The following FAM83B variants were observed in gnomAD, a reference collection of about 807,000 sequenced individuals.
FAM83B encodes scaffolding CK1 anchoring protein B.
In FAM83B, 26 loss-of-function variants were observed where a neutral mutation model predicts 38.8. The ratio of observed to expected loss-of-function variants is 0.67; its 90% CI spans 0.49 to 0.93. FAM83B has a LOEUF of 0.93. Among genes scored for constraint, FAM83B ranks in the 40% least tolerant of loss-of-function variants. The probability of loss-of-function intolerance (pLI) is 0.00; values close to 1 mark genes in which losing one functional copy is unlikely to be tolerated. For synonymous variants in FAM83B, 419 were observed against 423.1 expected (o/e 0.99, Z 0.12); for missense variants, 1,237 against 1,197.3 (o/e 1.03, Z -0.49).
intron 2 of FAM83B, among the ~76,000 whole-genome samples, chr6:54,907,494 TCAC>T (rs1208398457): frequency 2.0e-5 from 3 of 152,152 alleles, no homozygotes; most frequent in Non-Finnish European, 2.9e-5. Flanking sequence ...CTCTTTGCTC[TCAC>T]TTGATCTTTA....
intron 3 of FAM83B, among the ~76,000 whole-genome samples, chr6:54,926,769 C>G (rs927002218): frequency 6.6e-6 from 1 of 152,018 alleles, no homozygotes; most frequent in Admixed American, 6.6e-5. Context: ...GTCTTGCTCT[C>G]CCTCCCAGAG....
chr6:54,926,786 G>A (rs892835855), intron 3 of FAM83B, among the ~76,000 whole-genome samples: 13 of 152,136 alleles, frequency 8.5e-5, no homozygotes, highest in African/African-American at 3.1e-4. Context: ...AGAGTGGAGT[G>A]CACTGGTGCA....
At position 54,941,220 on chromosome 6, in the gene FAM83B, A is replaced by T. The variant is rs759651575; in HGVS notation, c.2249A>T (p.Glu750Val). ...IAALLDVNKEESNKELASKKE... is the reference protein window; with the variant it reads ...IAALLDVNKEVSNKELASKKE... The stretch of plus-strand genomic sequence containing the variant: ...GCTTTACTTGATGTGAATAAAGAGG[A>T]ATCTAACAAAGAACTTGCTTCAAAG... Residue 750 changes from glutamate (E) to valine (V), a missense_variant, in exon 5 of 5, where the codon GAA becomes GTA. Glu to Val is a moderately radical substitution (Grantham distance 121). Coordinates refer to ENST00000306858, the MANE Select transcript of FAM83B (RefSeq NM_001010872.3). The T allele has an allele frequency of 7.4e-6, 12 of 1,613,800 alleles. No homozygotes were observed. Among genetic ancestry groups the T allele is most frequent in the Non-Finnish European group, 9.3e-6 (11 of 1,179,926 alleles).
intron 2 of FAM83B, among the ~76,000 whole-genome samples, chr6:54,903,377 T>C (rs2127582685): frequency 6.6e-6 from 1 of 152,296 alleles, no homozygotes; most frequent in Middle Eastern, 3.4e-3. Flanking sequence ...GTAAAGAACA[T>C]TGCCAGATTG....
intron 2 of FAM83B, among the ~76,000 whole-genome samples, chr6:54,920,471 T>G (rs1183032494): frequency 1.3e-5 from 2 of 151,908 alleles, no homozygotes; most frequent in African/African-American, 4.8e-5. Flanking sequence ...GTTGTGTGAC[T>G]AAAGAACATT....
At chr6:54,882,713 C>T (rs934283737) in intron 2 of FAM83B, among the ~76,000 whole-genome samples, 1 of 152,160 alleles carries the variant, frequency 6.6e-6, no homozygotes, top group Non-Finnish European at 1.5e-5. Flanking sequence ...CCCTCAATTA[C>T]TTCCACTCCA....
At chr6:54,857,214 AAC>A (rs940963070) in intron 1 of FAM83B, among the ~76,000 whole-genome samples, 1 of 152,176 alleles carries the variant, frequency 6.6e-6, no homozygotes, top group Admixed American at 6.5e-5. Flanking sequence ...TTGGTATTGG[AAC>A]ACACATTTAT....
chr6:54,850,566 T>A (rs777538435), intron 1 of FAM83B, among the ~76,000 whole-genome samples: 2 of 152,062 alleles, frequency 1.3e-5, no homozygotes, highest in Non-Finnish European at 2.9e-5. Context: ...CACTAAAGAG[T>A]GTCATCTTCC....
At chr6:54,877,389 T>C (rs1772024830) in intron 2 of FAM83B, among the ~76,000 whole-genome samples, 1 of 152,208 alleles carries the variant, frequency 6.6e-6, no homozygotes, top group African/African-American at 2.4e-5. Flanking sequence ...GGGAGCCTTT[T>C]TGAGATGATG....
At chr6:54,881,862 C>T (rs941186177) in intron 2 of FAM83B, among the ~76,000 whole-genome samples, 21 of 152,270 alleles carry the variant, frequency 1.4e-4, no homozygotes, top group African/African-American at 1.9e-4. Context: ...GTGCTGCACC[C>T]GTTAACTGGT....
Position 54,942,732 on chromosome 6 carries a change from T to TTTTTTTTTTTTTTTTTTTTTTTTTTTTG in FAM83B, c.*725_*726insTTTTTTTTTTTTTTTTTTTTTTTTTTTG, listed in dbSNP as rs1561934815. ...TTACCCATAGGCTGCTGATTTTTTATAGTCATTCCTTACTTCACATTTAGG... is the reference window on the plus strand; with the variant it reads ...TTACCCATAGGCTGCTGATTTTTTATTTTTTTTTTTTTTTTTTTTTTTTTTTTGAGTCATTCCTTACTTCACATTTAGG... On this transcript the variant is annotated 3_prime_UTR_variant, in exon 5 of 5. Coordinates refer to ENST00000306858, the MANE Select transcript of FAM83B (RefSeq NM_001010872.3). Among the ~76,000 whole-genome samples the TTTTTTTTTTTTTTTTTTTTTTTTTTTTG allele has an allele frequency of 1.3e-5, 2 of 151,756 alleles. No homozygotes were observed. Among genetic ancestry groups the TTTTTTTTTTTTTTTTTTTTTTTTTTTTG allele is most frequent in the African/African-American group, 4.9e-5 (2 of 41,112 alleles).
chr6:54,872,240 A>G (rs1225981123), intron 2 of FAM83B, among the ~76,000 whole-genome samples: 1 of 152,198 alleles, frequency 6.6e-6, no homozygotes, highest in Non-Finnish European at 1.5e-5. Flanking sequence ...TATTGAATGA[A>G]TTGAACTGTC....
At chr6:54,939,355 G>A (rs764572156) in intron 4 of FAM83B, among the ~76,000 whole-genome samples, 1 of 151,906 alleles carries the variant, frequency 6.6e-6, no homozygotes, top group Admixed American at 6.6e-5. Context: ...CTCTTTTTTG[G>A]TTCCATATAA....
At chr6:54,861,764 A>G (rs1442691748) in intron 1 of FAM83B, among the ~76,000 whole-genome samples, 1 of 152,154 alleles carries the variant, frequency 6.6e-6, no homozygotes, top group African/African-American at 2.4e-5. Context: ...ATGCAGACAG[A>G]CGGGGAAAGA....
intron 2 of FAM83B, among the ~76,000 whole-genome samples, chr6:54,906,052 CGA>C (rs1491177201): frequency 2.4e-5 from 3 of 124,772 alleles, no homozygotes; most frequent in Non-Finnish European, 4.8e-5. Flanking sequence ...ACCTACTATT[CGA>C]AAAAAAAAAA....
chr6:54,884,824 G>A (rs1013586273), intron 2 of FAM83B, among the ~76,000 whole-genome samples: 1 of 149,984 alleles, frequency 6.7e-6, no homozygotes, highest in African/African-American at 2.5e-5. Flanking sequence ...CCATGCTGGA[G>A]TGCAGTGGTG....
chr6:54,855,585 T>C (rs891610888), intron 1 of FAM83B, among the ~76,000 whole-genome samples: 4 of 152,234 alleles, frequency 2.6e-5, no homozygotes, highest in Admixed American at 2.0e-4. Flanking sequence ...TTTGAAATTC[T>C]ATATTTTGTT....
intron 1 of FAM83B, among the ~76,000 whole-genome samples, chr6:54,862,839 G>A (rs1269281241): frequency 4.0e-5 from 6 of 151,462 alleles, no homozygotes; most frequent in African/African-American, 7.3e-5. Context: ...AGCCGAGATC[G>A]CGCCATTGCA....
In FAM83B at chr6:54,851,893, C is replaced by T. The variant is rs527901922; in HGVS notation, c.-61+5067C>T. 5.3e-5 allele frequency among the ~76,000 whole-genome samples: 8 copies of T among 152,058 alleles called. No homozygotes were observed. In the East Asian group the frequency reaches 1.4e-3, roughly 26 times the overall value. On this transcript the variant is annotated intron_variant, in intron 1 of 4. Coordinates refer to ENST00000306858, the MANE Select transcript of FAM83B (RefSeq NM_001010872.3). The stretch of plus-strand genomic sequence containing the variant: ...CGATCTCTTGACCTCGTGATCCTCC[C>T]GCCTCGGCCTCCCAAAGTGCTGGGA...
Sources: allele counts gnomAD v4.1 joint callset (sites outside exome capture counted in the v4.1 genomes callset), GRCh38; gene constraint gnomAD v4.1.1; transcripts MANE v1.5; gene names NCBI Gene and HGNC (gene_info 2026-07-23, HGNC 2026-07-21).